The following TMEFF2 variants were observed in gnomAD, a reference collection of about 807,000 sequenced individuals.
The protein encoded by TMEFF2 is transmembrane protein with EGF like and two follistatin like domains 2.
TMEFF2 carries 28 observed loss-of-function variants against 53.8 expected under a neutral mutation model. The ratio of observed to expected loss-of-function variants is 0.52; its 90% CI spans 0.39 to 0.71. The LOEUF (loss-of-function observed/expected upper bound fraction) is 0.71. Among genes scored for constraint, TMEFF2 ranks in the 30% least tolerant of loss-of-function variants. The probability of loss-of-function intolerance (pLI) is 0.00; values close to 1 mark genes in which losing one functional copy is unlikely to be tolerated. For synonymous variants in TMEFF2, 162 were observed against 166.3 expected, an observed-to-expected ratio of 0.97 and a Z score of 0.20; for missense variants, 353 against 455.2, an observed-to-expected ratio of 0.78 and a Z score of 2.04.
At chr2:192,095,190 TAG>T (rs1181457341) in intron 4 of TMEFF2, among the ~76,000 whole-genome samples, 1 of 152,158 alleles carries the variant, frequency 6.6e-6, no homozygotes, top group Non-Finnish European at 1.5e-5. Context: ...CTTCTTCCTT[TAG>T]AGTCTACAAA....
intron 5 of TMEFF2, among the ~76,000 whole-genome samples, chr2:192,000,151 T>G (rs1686321580): frequency 6.6e-6 from 1 of 152,136 alleles, no homozygotes; most frequent in African/African-American, 2.4e-5. Context: ...GGTGTATGTG[T>G]ACAACCATGT....
chr2:191,989,939 A>T (rs896822790), intron 7 of TMEFF2, among the ~76,000 whole-genome samples: 16 of 151,758 alleles, frequency 1.1e-4, no homozygotes, highest in Non-Finnish European at 2.2e-4. Context: ...AGAATACCAA[A>T]CCCCTTCCAC....
chr2:192,009,784 GT>G (rs764377110), intron 5 of TMEFF2, among the ~76,000 whole-genome samples: 2 of 152,038 alleles, frequency 1.3e-5, no homozygotes, highest in African/African-American at 2.4e-5. Flanking sequence ...TAATATTATG[GT>G]TCTTAAGATC....
At chr2:192,192,732 C>CTAGGA (rs1196163349) in intron 1 of TMEFF2, among the ~76,000 whole-genome samples, 3 of 152,152 alleles carry the variant, frequency 2.0e-5, no homozygotes, top group Non-Finnish European at 4.4e-5. Context: ...AATGCAAGGG[C>CTAGGA]TAGGAATGAA....
At chr2:192,137,436 G>A (rs147223389) in intron 4 of TMEFF2, among the ~76,000 whole-genome samples, 1 of 152,274 alleles carries the variant, frequency 6.6e-6, no homozygotes, top group African/African-American at 2.4e-5. Context: ...GGAGAGGATG[G>A]TTGAAGTAAC....
intron 4 of TMEFF2, among the ~76,000 whole-genome samples, chr2:192,176,082 T>A (rs1383701235): frequency 6.6e-6 from 1 of 151,416 alleles, no homozygotes; most frequent in Admixed American, 6.6e-5. Flanking sequence ...TGTGGGTGGA[T>A]AAGAGGTTAT....
intron 5 of TMEFF2, among the ~76,000 whole-genome samples, chr2:192,021,662 C>G (rs1489296769): frequency 6.6e-6 from 1 of 152,054 alleles, no homozygotes; most frequent in Non-Finnish European, 1.5e-5. Context: ...AAGACGCAAG[C>G]AAAAGTGTGA....
intron 5 of TMEFF2, among the ~76,000 whole-genome samples, chr2:192,005,797 T>C (rs1181339460): frequency 6.6e-6 from 1 of 152,198 alleles, no homozygotes; most frequent in African/African-American, 2.4e-5. Flanking sequence ...AAACAGTGTG[T>C]ACCTTTCATT....
chr2:192,022,243 T>G (rs1197635265), intron 5 of TMEFF2, among the ~76,000 whole-genome samples: 2 of 152,112 alleles, frequency 1.3e-5, no homozygotes, highest in African/African-American at 2.4e-5. Context: ...CAAACCCAGG[T>G]GGGTGTGCAG....
intron 4 of TMEFF2, among the ~76,000 whole-genome samples, chr2:192,061,300 A>G (rs1378876898): frequency 6.6e-6 from 1 of 152,184 alleles, no homozygotes; most frequent in Non-Finnish European, 1.5e-5. Flanking sequence ...TCATCCATCA[A>G]TATCTGCTGG....
chr2:192,181,408 GGAAAATGTGT>G (rs1049585481), intron 3 of TMEFF2, among the ~76,000 whole-genome samples: 39 of 151,648 alleles, frequency 2.6e-4, no homozygotes, highest in African/African-American at 8.9e-4. Context: ...TTTAAGTCAA[GGAAAATGTGT>G]TGTTCATCAC....
intron 4 of TMEFF2, among the ~76,000 whole-genome samples, chr2:192,146,371 G>A (rs763150693): frequency 1.3e-4 from 20 of 151,920 alleles, no homozygotes; most frequent in Admixed American, 3.3e-4. Flanking sequence ...GGGTGTGGAG[G>A]GGAGGAAGAG....
intron 5 of TMEFF2, among the ~76,000 whole-genome samples, chr2:192,027,684 TGCACACAGG>T (rs1250430870): frequency 3.3e-5 from 5 of 152,342 alleles, no homozygotes; most frequent in South Asian, 4.1e-4. Flanking sequence ...ATGTGGCCAG[TGCACACAGG>T]GCACACAGAG....
At chr2:191,993,857 T>C (rs1686162888) in intron 7 of TMEFF2, among the ~76,000 whole-genome samples, 1 of 152,100 alleles carries the variant, frequency 6.6e-6, no homozygotes, top group African/African-American at 2.4e-5. Context: ...GAAGATTTTA[T>C]TCATTTTATG....
At chr2:192,168,747 A>G (rs1690832523) in intron 4 of TMEFF2, among the ~76,000 whole-genome samples, 1 of 152,150 alleles carries the variant, frequency 6.6e-6, no homozygotes, top group African/African-American at 2.4e-5. Flanking sequence ...CTTTTAATTT[A>G]GAATTTCAAA....
intron 4 of TMEFF2, among the ~76,000 whole-genome samples, chr2:192,084,479 T>A (rs1391157701): frequency 6.6e-6 from 1 of 152,170 alleles, no homozygotes; most frequent in Non-Finnish European, 1.5e-5. Context: ...GTATTCTCTA[T>A]ATTTTTTAAA....
chr2:192,118,402 G>A (rs959989276), intron 4 of TMEFF2, among the ~76,000 whole-genome samples: 2 of 152,150 alleles, frequency 1.3e-5, no homozygotes, highest in African/African-American at 2.4e-5. Context: ...AGCTCTAAAA[G>A]AATCAAAGTT....
At chr2:192,186,414 T>C (rs1691313453) in intron 2 of TMEFF2, among the ~76,000 whole-genome samples, 1 of 152,178 alleles carries the variant, frequency 6.6e-6, no homozygotes, top group African/African-American at 2.4e-5. Context: ...ATGCCAGAAC[T>C]GTGGCCAGCA....
Position 191,953,846 on chromosome 2 carries a change from A to C in TMEFF2, c.870-9T>G. 1 of 1,594,998 alleles carries C rather than the reference A, an allele frequency of 6.3e-7. No individual in the cohort carries two copies. Among genetic ancestry groups the C allele is most frequent in the Admixed American group, 1.7e-5 (1 of 58,466 alleles). ...TATAACCAGCATCACACCTGGAAGA[A>C]ATTATAGTGCCCAGTTACCTGTAGG... On this transcript the variant is annotated splice_polypyrimidine_tract_variant and intron_variant, in intron 8 of 9. Coordinates refer to ENST00000272771, the MANE Select transcript of TMEFF2 (RefSeq NM_016192.4).
Sources: gnomAD v4.1 joint callset for allele counts (sites outside exome capture counted in the v4.1 genomes callset) on GRCh38, gnomAD v4.1.1 for gene constraint, MANE v1.5 for transcripts, NCBI Gene and HGNC (gene_info 2026-07-23, HGNC 2026-07-21) for gene names.